The following RGS7 variants were observed in gnomAD, a reference collection of about 807,000 sequenced individuals.
RGS7 encodes the protein regulator of G-protein signaling 7.
In RGS7, 27 loss-of-function variants were observed where a neutral mutation model predicts 81.1. That is an observed-to-expected ratio of 0.33 (90% CI 0.25 to 0.46). The LOEUF (loss-of-function observed/expected upper bound fraction) is 0.46, where lower values mean the gene tolerates loss of function less well. RGS7 is among the 20% of genes least tolerant of loss of function. RGS7 has a pLI of 1.00. For missense variants in RGS7, 396 were observed against 607.4 expected, an observed-to-expected ratio of 0.65 and a Z score of 3.66; for synonymous variants, 208 against 207.7, an observed-to-expected ratio of 1.00 and a Z score of -0.01.
intron 2 of RGS7, among the ~76,000 whole-genome samples, chr1:241,106,752 CCACACACACA>C (rs778017157): frequency 3.3e-5 from 4 of 121,684 alleles, no homozygotes; most frequent in Non-Finnish European, 6.5e-5. Context: ...AACACCACCA[CCACACACACA>C]CACACACACA....
chr1:240,913,980 T>A (rs957247821), intron 6 of RGS7, among the ~76,000 whole-genome samples: 2 of 152,026 alleles, frequency 1.3e-5, no homozygotes, highest in Non-Finnish European at 1.5e-5. Context: ...GTTACATATG[T>A]ATACATGTGC....
chr1:240,898,857 T>C (rs12738852), intron 6 of RGS7, among the ~76,000 whole-genome samples: 9 of 152,070 alleles, frequency 5.9e-5, no homozygotes, highest in Admixed American at 5.9e-4. Context: ...TCTGTCTCGT[T>C]GATCTGTCTA....
At chr1:241,125,589 G>T (rs182917946) in intron 2 of RGS7, among the ~76,000 whole-genome samples, 50 of 152,188 alleles carry the variant, frequency 3.3e-4, no homozygotes, top group African/African-American at 1.1e-3. Context: ...CCCAACAAAG[G>T]CACTTCTCTA....
intron 3 of RGS7, among the ~76,000 whole-genome samples, chr1:241,081,961 T>C (rs1210347900): frequency 6.6e-6 from 1 of 152,204 alleles, no homozygotes; most frequent in Non-Finnish European, 1.5e-5. Context: ...AGGTAAAGGA[T>C]AGCATAATAG....
Position 240,818,118 on chromosome 1 carries a change from T to C in RGS7, c.685-1703A>G, listed in dbSNP as rs561896688. On this transcript the variant is annotated intron_variant, in intron 10 of 18. Transcript: ENST00000440928. ...CCAAACAAGAGGCAGGAAATGGCCATCCATTTCAACACAAGGATTTGCTCA... is the reference window on the plus strand; with the variant it reads ...CCAAACAAGAGGCAGGAAATGGCCACCCATTTCAACACAAGGATTTGCTCA... 2.8e-4 allele frequency among the ~76,000 whole-genome samples: 42 copies of C among 152,246 alleles called. 1 individual carries two copies. Among genetic ancestry groups the C allele is most frequent in the African/African-American group, 9.6e-4 (40 of 41,552 alleles).
At chr1:240,883,960 C>T (rs1051558974) in intron 6 of RGS7, among the ~76,000 whole-genome samples, 1 of 151,786 alleles carries the variant, frequency 6.6e-6, no homozygotes, top group Non-Finnish European at 1.5e-5. Flanking sequence ...TCTATAATCC[C>T]AGCTACTCGG....
intron 18 of RGS7, among the ~76,000 whole-genome samples, chr1:240,796,578 T>C (rs1436616244): frequency 6.6e-6 from 1 of 152,072 alleles, no homozygotes; most frequent in African/African-American, 2.4e-5. Flanking sequence ...CCCAGCTACT[T>C]AGGAGGTTGA....
chr1:240,958,757 G>A (rs900700942), intron 4 of RGS7, among the ~76,000 whole-genome samples: 1 of 152,110 alleles, frequency 6.6e-6, no homozygotes, highest in Admixed American at 6.5e-5. Context: ...CTTCCTTCTT[G>A]CTTTTCTTCA....
intron 2 of RGS7, among the ~76,000 whole-genome samples, chr1:241,223,685 A>G (rs2075142401): frequency 6.6e-6 from 1 of 151,370 alleles, no homozygotes; most frequent in South Asian, 2.1e-4. Context: ...CAGAGGGTTA[A>G]ATCAGGATCA....
chr1:240,868,541 C>A lies in RGS7; in HGVS notation c.609+46G>T. 6.4e-7 allele frequency: 1 copy of A among 1,570,292 alleles called. No individual in the cohort carries two copies. Among genetic ancestry groups the A allele is most frequent in the Non-Finnish European group, 8.8e-7 (1 of 1,140,560 alleles). Reference sequence around the variant, plus strand: ...TTGGCAGGGCACCCCTCACTTCCCACAGACGGAGAAGATGGATTCAAGACG... The same window carrying A: ...TTGGCAGGGCACCCCTCACTTCCCAAAGACGGAGAAGATGGATTCAAGACG... On this transcript the variant is annotated intron_variant, in intron 9 of 18. Coordinates refer to ENST00000440928, the MANE Select transcript of RGS7 (RefSeq NM_001364886.1). The surrounding 1 kb of genome is among the most constrained non-coding windows in gnomAD (Gnocchi z 5.1).
At chr1:240,851,801 A>G (rs778996516) in intron 9 of RGS7, among the ~76,000 whole-genome samples, 1 of 152,198 alleles carries the variant, frequency 6.6e-6, no homozygotes, top group African/African-American at 2.4e-5. Context: ...GATGTGGTGG[A>G]AATAGCGAGA....
intron 18 of RGS7, among the ~76,000 whole-genome samples, chr1:240,777,020 C>T (rs552156881): frequency 3.3e-5 from 5 of 152,300 alleles, no homozygotes; most frequent in African/African-American, 1.2e-4. Flanking sequence ...TGAGACCGGG[C>T]GCAGTGGCTC....
chr1:240,996,019 T>G (rs6429236), intron 3 of RGS7, among the ~76,000 whole-genome samples: 70,531 of 133,158 alleles, frequency 0.53, 16,702 homozygotes, highest in African/African-American at 0.65. Context: ...ATTTTTATTG[T>G]TTTTTTTTTA....
intron 2 of RGS7, among the ~76,000 whole-genome samples, chr1:241,296,084 G>T (rs1188745710): frequency 6.6e-6 from 1 of 152,140 alleles, no homozygotes; most frequent in Non-Finnish European, 1.5e-5. Flanking sequence ...GAGAAGCCTG[G>T]GCTGGTGGTG....
intron 2 of RGS7, among the ~76,000 whole-genome samples, chr1:241,251,967 C>T (rs1049982426): frequency 2.0e-5 from 3 of 152,052 alleles, no homozygotes; most frequent in African/African-American, 4.8e-5. Context: ...TGCGGAGCCT[C>T]GGAGTCCAAG....
At chr1:240,988,383 CT>C (rs763177079) in intron 3 of RGS7, among the ~76,000 whole-genome samples, 1 of 151,914 alleles carries the variant, frequency 6.6e-6, no homozygotes, top group East Asian at 1.9e-4. Context: ...TTAAATTAAA[CT>C]CAGTTTAAAA....
intron 6 of RGS7, among the ~76,000 whole-genome samples, chr1:240,903,452 G>T (rs1330888131): frequency 1.3e-5 from 2 of 151,942 alleles, no homozygotes; most frequent in Non-Finnish European, 2.9e-5. Flanking sequence ...TCACTTAAGG[G>T]TTATTGCCTA....
At chr1:241,050,735 T>G (rs2061203914) in intron 3 of RGS7, among the ~76,000 whole-genome samples, 1 of 152,248 alleles carries the variant, frequency 6.6e-6, no homozygotes, top group South Asian at 2.1e-4. Flanking sequence ...TGAAAAGGAT[T>G]AAAACTGTTA....
At chr1:241,310,757 A>G (rs377309028) in intron 2 of RGS7, among the ~76,000 whole-genome samples, 2 of 152,132 alleles carry the variant, frequency 1.3e-5, no homozygotes, top group African/African-American at 4.8e-5. Flanking sequence ...CTTCCTGTTA[A>G]ATGTGTTGTT....
Sources: gnomAD v4.1 joint callset for allele counts (sites outside exome capture counted in the v4.1 genomes callset) on GRCh38, gnomAD v4.1.1 for gene constraint, Gnocchi (gnomAD v3.1) non-coding constraint, MANE v1.5 for transcripts, NCBI Gene and HGNC (gene_info 2026-07-23, HGNC 2026-07-21) for gene names.